Variants in LAPTM5 observed in about 807,000 individuals in gnomAD.
The protein encoded by LAPTM5 is lysosomal protein transmembrane 5.
LAPTM5 carries 11 observed loss-of-function variants against 30.1 expected under a neutral mutation model. The ratio of observed to expected loss-of-function variants is 0.37; its 90% CI spans 0.23 to 0.60. LAPTM5 has a LOEUF of 0.60. Ranked by LOEUF, LAPTM5 falls within the 20% of genes least tolerant of loss-of-function variation. The pLI is 0.71. For missense variants in LAPTM5, 324 were observed against 332.5 expected, an observed-to-expected ratio of 0.97 and a Z score of 0.20; for synonymous variants, 151 against 137.9, an observed-to-expected ratio of 1.10 and a Z score of -0.67.
At chr1:30,748,642 C>T (rs1433097536) in intron 1 of LAPTM5, among the ~76,000 whole-genome samples, 1 of 152,246 alleles carries the variant, frequency 6.6e-6, no homozygotes. Context: ...CCAACCACCT[C>T]TCCAGCCAGC....
At chr1:30,743,618 C>A (rs74897727) in intron 1 of LAPTM5, among the ~76,000 whole-genome samples, 1 of 152,204 alleles carries the variant, frequency 6.6e-6, no homozygotes, top group East Asian at 1.9e-4. Context: ...CTCCAGGTAA[C>A]CTCTGCCCAT....
chr1:30,752,652 A>G (rs1345459648), intron 1 of LAPTM5, among the ~76,000 whole-genome samples: 2 of 152,210 alleles, frequency 1.3e-5, no homozygotes, highest in African/African-American at 4.8e-5. Context: ...AATGTCATCC[A>G]TTGTCCTCGT....
chr1:30,741,615 G>A (rs45527142), intron 3 of LAPTM5, 25 bp downstream of exon 3: 643 of 1,555,990 alleles, frequency 4.1e-4, no homozygotes, highest in Middle Eastern at 1.4e-3. Flanking sequence ...AGGGGCAGGG[G>A]GCAGCGGGGC....
In LAPTM5 at chr1:30,746,895, C is replaced by A. The variant is rs1448111217; in HGVS notation, c.88-4346G>T. Among the ~76,000 whole-genome samples, 1 of 152,186 alleles carries A rather than the reference C, an allele frequency of 6.6e-6. No homozygotes were observed. The highest frequency in any genetic ancestry group is 1.5e-5 in the Non-Finnish European group (1 of 68,038). ...ACACAGCAGGTGCACCATAAACAAG[C>A]ACAATTGGGTGGTGGTTTTTGCTAC... is the stretch of plus-strand genomic sequence containing the variant. On this transcript the variant is annotated intron_variant, in intron 1 of 7. Transcript: ENST00000294507. This position sits in a 1 kb window ranked among gnomAD's most constrained non-coding sequence, Gnocchi z 4.0.
chr1:30,742,282 C>T (rs1453385366), intron 2 of LAPTM5, 174 bp downstream of exon 2: 5 of 602,144 alleles, frequency 8.3e-6, no homozygotes, highest in Non-Finnish European at 1.5e-5. Context: ...TCAGGTGGAA[C>T]ATCCCCATTT....
intron 1 of LAPTM5, among the ~76,000 whole-genome samples, chr1:30,750,454 T>C (rs1405210481): frequency 6.6e-6 from 1 of 152,222 alleles, no homozygotes; most frequent in Non-Finnish European, 1.5e-5. Flanking sequence ...ATCCACGATG[T>C]GGAACCTGCG....
rs535254913 is a variant in LAPTM5, at chr1:30,734,443, C to G, written c.700-526G>C. Reference sequence around the variant, plus strand: ...AGGGATGGGCTTCCGGAAAATGAAGCCAACATCAAGGAAAGTAGAGTCAAG... The same window carrying G: ...AGGGATGGGCTTCCGGAAAATGAAGGCAACATCAAGGAAAGTAGAGTCAAG... On this transcript the variant is annotated intron_variant, in intron 7 of 7. Coordinates refer to ENST00000294507, the MANE Select transcript of LAPTM5 (RefSeq NM_006762.3). Among the ~76,000 whole-genome samples, 5 of 152,274 alleles carry G rather than the reference C, an allele frequency of 3.3e-5. No individual in the cohort carries two copies. The East Asian group carries it at 9.6e-4, about 29-fold the overall frequency.
chr1:30,740,543 A>C (rs1639955479), intron 3 of LAPTM5, among the ~76,000 whole-genome samples: 1 of 151,970 alleles, frequency 6.6e-6, no homozygotes, highest in South Asian at 2.1e-4. Context: ...GCAAGTGACC[A>C]CCATGACCAG....
intron 2 of LAPTM5, chr1:30,742,064 A>G: frequency 2.8e-6 from 1 of 357,400 alleles, no homozygotes; most frequent in Non-Finnish European, 5.2e-6. Flanking sequence ...GGCTGGAGCA[A>G]GGTGTGGGGT....
chr1:30,756,937 G>C (rs1019694603), intron 1 of LAPTM5, among the ~76,000 whole-genome samples: 1 of 152,194 alleles, frequency 6.6e-6, no homozygotes, highest in African/African-American at 2.4e-5. Flanking sequence ...TGGCCCCCGG[G>C]CACTGTGACT....
At position 30,733,660 on chromosome 1, in the gene LAPTM5, G is replaced by A; in HGVS notation, c.*168C>T. 1 of 1,533,898 alleles carries A rather than the reference G, an allele frequency of 6.5e-7. No homozygotes were observed. The highest frequency in any genetic ancestry group is 8.7e-7 in the Non-Finnish European group (1 of 1,146,178). On this transcript the variant is annotated 3_prime_UTR_variant, in exon 8 of 8. Transcript: ENST00000294507. Reference sequence around the variant, plus strand: ...TAAAGCGTTGACCCAGTTGTGAGCAGCTCACAGGCCCTGCAGGAGGAGCAG... The same window carrying A: ...TAAAGCGTTGACCCAGTTGTGAGCAACTCACAGGCCCTGCAGGAGGAGCAG...
At chr1:30,740,184 A>G (rs1018485033) in intron 3 of LAPTM5, among the ~76,000 whole-genome samples, 3 of 152,134 alleles carry the variant, frequency 2.0e-5, no homozygotes, top group Non-Finnish European at 2.9e-5. Context: ...CAGGGCTCAA[A>G]GAGCAGGATT....
At chr1:30,753,729 A>G (rs1640170316) in intron 1 of LAPTM5, among the ~76,000 whole-genome samples, 1 of 152,218 alleles carries the variant, frequency 6.6e-6, no homozygotes, top group Non-Finnish European at 1.5e-5. Context: ...AGGATGTAAG[A>G]GGAAAGCTGG....
chr1:30,755,476 T>C (rs1287987072), intron 1 of LAPTM5, among the ~76,000 whole-genome samples: 1 of 152,096 alleles, frequency 6.6e-6, no homozygotes, highest in Non-Finnish European at 1.5e-5. Context: ...GCCGAACACA[T>C]ACGCCATTGC....
At chr1:30,741,556 C>T (rs780340871) in intron 3 of LAPTM5, 84 bp downstream of exon 3, 3 of 989,690 alleles carry the variant, frequency 3.0e-6, no homozygotes, top group Non-Finnish European at 4.3e-6. Context: ...CGCCTCCCAC[C>T]CTCTCAGCAC....
chr1:30,741,899 A>C, intron 2 of LAPTM5, 183 bp from the exon 3 acceptor site: 1 of 491,492 alleles, frequency 2.0e-6, no homozygotes, highest in Non-Finnish European at 3.7e-6. Flanking sequence ...AACATCACAC[A>C]TAGCACAGGA....
chr1:30,744,333 C>G (rs1640014225), intron 1 of LAPTM5, among the ~76,000 whole-genome samples: 1 of 152,146 alleles, frequency 6.6e-6, no homozygotes, highest in South Asian at 2.1e-4. Flanking sequence ...AGGCCGCAGC[C>G]CCTCTCCTCT....
Position 30,741,652 on chromosome 1 carries a change from G to T in LAPTM5, c.246C>A (p.Ile82=), listed in dbSNP as rs368273555. ...MLFIISLSLL[I]GVVKNREKYL... ...CCTGAGCCCTCACCTTGACTACGCC[G>T]ATCAGTAGGCTCAGGCTGATGATGA... The change falls in exon 3 of 8, where the codon ATC becomes ATA. Residue 82 remains isoleucine (I), a synonymous_variant. Transcript: ENST00000294507. The T allele has an allele frequency of 2.7e-5, 44 of 1,603,140 alleles. No homozygotes were observed. The highest frequency in any genetic ancestry group is 3.7e-5 in the Non-Finnish European group (44 of 1,174,866).
chr1:30,737,298 C>T (rs936489556), intron 6 of LAPTM5, among the ~76,000 whole-genome samples: 4 of 152,228 alleles, frequency 2.6e-5, no homozygotes, highest in African/African-American at 4.8e-5. Flanking sequence ...AGACCAACCA[C>T]GCAGCTAGTG....
Sources: allele counts gnomAD v4.1 joint callset (sites outside exome capture counted in the v4.1 genomes callset), GRCh38; gene constraint gnomAD v4.1.1; non-coding constraint Gnocchi (gnomAD v3.1); transcripts MANE v1.5; gene names NCBI Gene and HGNC (gene_info 2026-07-23, HGNC 2026-07-21).